KCNC1: variants seen among roughly 807,000 people sequenced by gnomAD.
The protein encoded by KCNC1 is voltage-gated potassium channel KCNC1.
KCNC1 carries 8 observed loss-of-function variants against 43.4 expected under a neutral mutation model. That is an observed-to-expected ratio of 0.18 (90% CI 0.11 to 0.33). The LOEUF (loss-of-function observed/expected upper bound fraction) is 0.33, where lower values mean the gene tolerates loss of function less well. Among genes scored for constraint, KCNC1 ranks in the 10% least tolerant of loss-of-function variants. KCNC1 has a pLI of 1.00. For missense variants in KCNC1, 420 were observed against 836.0 expected, an observed-to-expected ratio of 0.50 and a Z score of 6.14; for synonymous variants, 361 against 360.5, an observed-to-expected ratio of 1.00 and a Z score of -0.01.
chr11:17,738,934 T>G (rs1338889151), intron 1 of KCNC1, among the ~76,000 whole-genome samples: 1 of 152,158 alleles, frequency 6.6e-6, no homozygotes, highest in Non-Finnish European at 1.5e-5. Flanking sequence ...CGGGGAACAG[T>G]TGAGGACACT....
chr11:17,774,519 C>G, intron 2 of KCNC1: 1 of 985,614 alleles, frequency 1.0e-6, no homozygotes, highest in Non-Finnish European at 1.2e-6. Context: ...CGGAGTCCCC[C>G]TGCCCCCCAG....
At chr11:17,752,344 T>A (rs563232553) in intron 1 of KCNC1, among the ~76,000 whole-genome samples, 8 of 152,344 alleles carry the variant, frequency 5.3e-5, no homozygotes, top group African/African-American at 1.7e-4. Context: ...GCGATCTCCC[T>A]GGGAAACCAG....
rs1471832462 is a variant in KCNC1 at position 17,735,925 on chromosome 11, C to T, written c.-78C>T. ...GAGGGGGGAAGAGGGCGCGCGCCCC[C>T]CTCCCCGGCGCCAACTCCCCCTGGC... On this transcript the variant is annotated 5_prime_UTR_variant, in exon 1 of 4. Transcript: ENST00000265969. This position sits in a 1 kb window ranked among gnomAD's most constrained non-coding sequence, Gnocchi z 6.7. 1.5e-6 allele frequency: 2 copies of T among 1,376,418 alleles called. No individual in the cohort carries two copies. The highest frequency in any genetic ancestry group is 2.7e-4 in the Middle Eastern group (1 of 3,742). The allele number at this position is 1,376,418 out of a possible 1,614,324, so 85.3% of individuals were successfully genotyped here.
intron 1 of KCNC1, among the ~76,000 whole-genome samples, chr11:17,744,828 C>T (rs1381668821): frequency 6.6e-6 from 1 of 152,026 alleles, no homozygotes. Flanking sequence ...CCATGCCTGA[C>T]CCTCAGAATT....
chr11:17,748,992 T>A (rs765457904), intron 1 of KCNC1, among the ~76,000 whole-genome samples: 3 of 151,942 alleles, frequency 2.0e-5, no homozygotes, highest in Non-Finnish European at 4.4e-5. Context: ...CGGGGAGAGA[T>A]CATGTGAGCT....
At position 17,776,610 on chromosome 11, in the gene KCNC1, A is replaced by G; in HGVS notation, c.1505-2846A>G. On this transcript the variant is annotated intron_variant, in intron 2 of 3. Transcript: ENST00000265969. The surrounding 1 kb of genome is among the most constrained non-coding windows in gnomAD (Gnocchi z 4.4). ...TCTCTGAGACGCTGCCCATGCTGCCATTTCATCACTGCAGGCCTGTGGGTC... is the reference window on the plus strand; with the variant it reads ...TCTCTGAGACGCTGCCCATGCTGCCGTTTCATCACTGCAGGCCTGTGGGTC... The G allele has an allele frequency of 2.0e-6, 2 of 985,250 alleles. No homozygotes were observed. Among genetic ancestry groups the G allele is most frequent in the Non-Finnish European group, 1.2e-6 (1 of 829,882 alleles). The allele number at this position is 985,250 out of a possible 1,614,324, so 61.0% of individuals were successfully genotyped here. A position where few individuals can be genotyped will look rare whatever the true frequency, so the allele number is the denominator to read the frequency against.
At chr11:17,740,578 C>A (rs1848827113) in intron 1 of KCNC1, among the ~76,000 whole-genome samples, 2 of 152,130 alleles carry the variant, frequency 1.3e-5, no homozygotes, top group African/African-American at 4.8e-5. Flanking sequence ...ATGTCATCAT[C>A]AGGGACGTTG....
chr11:17,768,589 G>T (rs1484040924), intron 1 of KCNC1, among the ~76,000 whole-genome samples: 1 of 125,736 alleles, frequency 8.0e-6, no homozygotes. Flanking sequence ...TGAACAGGGA[G>T]TACAGTGGAG....
rs569210056 is a variant in KCNC1 at position 17,782,165 on chromosome 11, G to C, written c.*431G>C. 1 of 158,138 alleles carries C rather than the reference G, an allele frequency of 6.3e-6. No homozygotes were observed. The highest frequency in any genetic ancestry group is 6.5e-5 in the Admixed American group (1 of 15,480). The allele number at this position is 158,138 out of a possible 1,614,324, so 9.8% of individuals were successfully genotyped here. On this transcript the variant is annotated 3_prime_UTR_variant, in exon 4 of 4. Transcript: ENST00000265969. ...TGGAGCCAAACTGTAACGGCGTTCA[G>C]TAGAAACCTGTACATTTCTGGGGGT...
At chr11:17,763,202 A>G (rs1849098031) in intron 1 of KCNC1, among the ~76,000 whole-genome samples, 1 of 151,862 alleles carries the variant, frequency 6.6e-6, no homozygotes, top group Non-Finnish European at 1.5e-5. Flanking sequence ...CCCCCTTCTC[A>G]GATTGAATCC....
chr11:17,774,619 C>T, intron 2 of KCNC1: 1 of 985,606 alleles, frequency 1.0e-6, no homozygotes, highest in Non-Finnish European at 1.2e-6. Flanking sequence ...GGGATTGCCC[C>T]TGAGCTCCAC....
At chr11:17,775,515 G>T (rs967822896) in intron 2 of KCNC1, 1 of 985,490 alleles carries the variant, frequency 1.0e-6, no homozygotes, top group Non-Finnish European at 1.2e-6. Context: ...CTAGGAGGGC[G>T]CCCTGGCACA....
chr11:17,753,441 G>A (rs1766870621), intron 1 of KCNC1, among the ~76,000 whole-genome samples: 1 of 152,268 alleles, frequency 6.6e-6, no homozygotes, highest in Admixed American at 6.5e-5. Context: ...ACATCAGTCA[G>A]ATCCCTGGCT....
At chr11:17,772,632 C>A (rs752616212) in intron 2 of KCNC1, 34 bp downstream of exon 2, 2 of 1,601,602 alleles carry the variant, frequency 1.2e-6, no homozygotes, top group Admixed American at 1.7e-5. Context: ...TCGATCTGAC[C>A]TTTCACCTCT....
rs1184284313 is a variant in KCNC1, at chr11:17,735,608, C to A, written c.-395C>A. On this transcript the variant is annotated 5_prime_UTR_variant, in exon 1 of 4. Transcript: ENST00000265969. The surrounding 1 kb of genome is among the most constrained non-coding windows in gnomAD (Gnocchi z 6.7). The stretch of plus-strand genomic sequence containing the variant: ...GCGGAGATGGGGACGGGAGCCCGGC[C>A]CCCCAACCCATTTTCCCCACCTCCC... The A allele has an allele frequency of 5.4e-6, 1 of 185,782 alleles. No individual in the cohort carries two copies. The highest frequency in any genetic ancestry group is 2.0e-4 in the South Asian group (1 of 5,102). 11.5% of individuals were successfully genotyped at this position (185,782 alleles called of 1,614,324 possible).
At position 17,757,042 on chromosome 11, in the gene KCNC1, T is replaced by C. The variant is rs142501280; in HGVS notation, c.571-14623T>C. Among the ~76,000 whole-genome samples the C allele has an allele frequency of 4.8e-3, 724 of 152,324 alleles. 19 individuals are homozygous for C. The highest frequency in any genetic ancestry group is 0.038 in the Admixed American group (583 of 15,302). ...GCAAAATGGAGGTAATGATGCCTCC[T>C]TCGGAGAGGCTTTTAAAGATAAATG... On this transcript the variant is annotated intron_variant, in intron 1 of 3. Coordinates refer to ENST00000265969, the MANE Select transcript of KCNC1 (RefSeq NM_001112741.2).
rs898693912 is a variant in KCNC1, at chr11:17,779,132, T to G, written c.1505-324T>G. 1 of 235,174 alleles carries G rather than the reference T, an allele frequency of 4.3e-6. No homozygotes were observed. The highest frequency in any genetic ancestry group is 8.2e-6 in the Non-Finnish European group (1 of 121,586). The allele number at this position is 235,174 out of a possible 1,614,324, so 14.6% of individuals were successfully genotyped here. On this transcript the variant is annotated intron_variant, in intron 2 of 3. Transcript: ENST00000265969. This position sits in a 1 kb window ranked among gnomAD's most constrained non-coding sequence, Gnocchi z 7.2. The stretch of plus-strand genomic sequence containing the variant: ...CATGACTGCATCCACACCATCCTGT[T>G]TCATCGGCCCTGCTTGGGGCCCGGG...
chr11:17,781,595 T>G lies in KCNC1; in HGVS notation c.1694-75T>G. On this transcript the variant is annotated intron_variant, in intron 3 of 3. Transcript: ENST00000265969. The surrounding 1 kb of genome is among the most constrained non-coding windows in gnomAD (Gnocchi z 5.1). The stretch of plus-strand genomic sequence containing the variant: ...CTGTTCTGTCTTTCCTCCTCCTTCT[T>G]AAAAACTAAGTACCAAGCGGGATGG... 1 of 1,061,244 alleles carries G rather than the reference T, an allele frequency of 9.4e-7. No homozygotes were observed. The highest frequency in any genetic ancestry group is 1.4e-6 in the Non-Finnish European group (1 of 707,022). 65.7% of individuals were successfully genotyped at this position (1,061,244 alleles called of 1,614,324 possible). A position where few individuals can be genotyped will look rare whatever the true frequency, so the allele number is the denominator to read the frequency against.
At chr11:17,763,911 CA>C (rs1849113251) in intron 1 of KCNC1, among the ~76,000 whole-genome samples, 1 of 135,014 alleles carries the variant, frequency 7.4e-6, no homozygotes, top group African/African-American at 2.7e-5. Context: ...AAACCCCACA[CA>C]CCACACATGC....
Sources: gnomAD v4.1 joint callset for allele counts (sites outside exome capture counted in the v4.1 genomes callset) on GRCh38, gnomAD v4.1.1 for gene constraint, Gnocchi (gnomAD v3.1) non-coding constraint, MANE v1.5 for transcripts, NCBI Gene and HGNC (gene_info 2026-07-23, HGNC 2026-07-21) for gene names.